Variants in TRIM36 observed in about 807,000 individuals in gnomAD.
The protein encoded by TRIM36 is E3 ubiquitin-protein ligase TRIM36.
In TRIM36, 42 loss-of-function variants were observed where a neutral mutation model predicts 72.4. That is an observed-to-expected ratio of 0.58 (90% CI 0.45 to 0.75). TRIM36 has a LOEUF of 0.75. Ranked by LOEUF, TRIM36 falls within the 30% of genes least tolerant of loss-of-function variation. The pLI, the probability that TRIM36 is intolerant of heterozygous loss-of-function variation, is 0.00. For synonymous variants in TRIM36, 315 were observed against 282.8 expected, an observed-to-expected ratio of 1.11 and a Z score of -1.14; for missense variants, 913 against 857.1, an observed-to-expected ratio of 1.07 and a Z score of -0.81.
intron 1 of TRIM36, among the ~76,000 whole-genome samples, chr5:115,166,494 A>G (rs1754782817): frequency 6.6e-6 from 1 of 152,164 alleles, no homozygotes; most frequent in African/African-American, 2.4e-5. Context: ...TGCAGAAAGC[A>G]GCTACCCATG....
chr5:115,143,222 C>CAAAAAAAAAAAAAAAAAAAAAA (rs59083853), intron 4 of TRIM36, among the ~76,000 whole-genome samples: 1 of 57,488 alleles, frequency 1.7e-5, no homozygotes, highest in Non-Finnish European at 2.9e-5. Context: ...ACCAGCCAGA[C>CAAAAAAAAAAAAAAAAAAAAAA]AAAAAAAAAA....
chr5:115,169,152 G>T (rs1231727227), intron 1 of TRIM36: 2 of 159,498 alleles, frequency 1.3e-5, no homozygotes, highest in Non-Finnish European at 2.7e-5. Context: ...GCGGGCAGGC[G>T]AAGCCGGGGA....
chr5:115,170,122 C>T (rs1755030573), upstream of TRIM36, among the ~76,000 whole-genome samples: 1 of 152,236 alleles, frequency 6.6e-6, no homozygotes, highest in South Asian at 2.1e-4. Flanking sequence ...CCGCCGCCAC[C>T]TTCCCCCTAC....
chr5:115,147,523 G>A (rs796815288), intron 2 of TRIM36, 129 bp from the exon 3 acceptor site: 37 of 1,095,416 alleles, frequency 3.4e-5, no homozygotes, highest in South Asian at 5.4e-5. Flanking sequence ...GTGGCTCCAC[G>A]TGAAATTTGT....
At chr5:115,168,365 C>A (rs1312554527) in intron 1 of TRIM36, among the ~76,000 whole-genome samples, 1 of 152,210 alleles carries the variant, frequency 6.6e-6, no homozygotes, top group Non-Finnish European at 1.5e-5. Flanking sequence ...GTATCCCAGA[C>A]TTCATATCTA....
upstream of TRIM36, among the ~76,000 whole-genome samples, chr5:115,172,857 T>A (rs1362608566): frequency 6.6e-6 from 1 of 152,168 alleles, no homozygotes; most frequent in Non-Finnish European, 1.5e-5. Context: ...CAAAATATGA[T>A]AACCATTGTG....
In TRIM36 at chr5:115,126,635, C is replaced by A. The variant is rs201477243; in HGVS notation, c.2019G>T (p.Met673Ile). 24 of 1,614,074 alleles carry A rather than the reference C, an allele frequency of 1.5e-5. No individual in the cohort carries two copies. The highest frequency in any genetic ancestry group is 1.9e-5 in the Non-Finnish European group (22 of 1,180,026). ...GKVDFYDMDQ[M>I]KCLYERQVDC... ...CCACTTGGCGTTCATAAAGGCATTT[C>A]ATCTGATCCATATCATAGAAATCTA... The change falls in exon 10 of 10, where the codon ATG becomes ATT. Residue 673 changes from methionine to isoleucine, a missense_variant. Physicochemically the swap from Met to Ile is conservative, Grantham distance 10. Coordinates refer to ENST00000513154, the MANE Select transcript of TRIM36 (RefSeq NM_001300759.2).
chr5:115,154,130 A>G (rs1754038395), intron 2 of TRIM36, among the ~76,000 whole-genome samples: 1 of 152,178 alleles, frequency 6.6e-6, no homozygotes, highest in Non-Finnish European at 1.5e-5. Context: ...AAAATTCTTC[A>G]AGCTGCATGA....
chr5:115,145,244 T>C (rs1483900496), intron 3 of TRIM36, among the ~76,000 whole-genome samples: 2 of 152,334 alleles, frequency 1.3e-5, no homozygotes, highest in East Asian at 1.9e-4. Context: ...CTTCTAGATG[T>C]GTTTCCTTTT....
At chr5:115,170,132 C>T (rs1755031298), upstream of TRIM36, among the ~76,000 whole-genome samples, 1 of 152,208 alleles carries the variant, frequency 6.6e-6, no homozygotes, top group Non-Finnish European at 1.5e-5. Context: ...CTTCCCCCTA[C>T]GCATCAGCCC....
In TRIM36 at chr5:115,180,121, T is replaced by G; in HGVS notation, c.-84A>C. 4 of 1,420,006 alleles carry G rather than the reference T, an allele frequency of 2.8e-6. 1 individual carries two copies. In the South Asian group the frequency reaches 3.6e-5, roughly 13 times the overall value. 88.0% of individuals were successfully genotyped at this position (1,420,006 alleles called of 1,614,324 possible). A position where few individuals can be genotyped will look rare whatever the true frequency, so the allele number is the denominator to read the frequency against. On this transcript the variant is annotated 5_prime_UTR_variant, in exon 1 of 10. Transcript: ENST00000282369. Reference sequence around the variant, plus strand: ...CTTTTCTCTTTTTCTGTTTTTAGTCTGAGTTTTGCCGAGCTCCCCGCCCAT... The same window carrying G: ...CTTTTCTCTTTTTCTGTTTTTAGTCGGAGTTTTGCCGAGCTCCCCGCCCAT...
At chr5:115,141,451 C>T in intron 4 of TRIM36, 77 bp from the exon 5 acceptor site, 1 of 823,726 alleles carries the variant, frequency 1.2e-6, no homozygotes, top group South Asian at 1.8e-5. Context: ...TTTTTAATTA[C>T]ACAGGACTCA....
chr5:115,166,436 T>C (rs1249353660), intron 1 of TRIM36, among the ~76,000 whole-genome samples: 1 of 152,118 alleles, frequency 6.6e-6, no homozygotes, highest in African/African-American at 2.4e-5. Context: ...AGGTACCCAC[T>C]CCGGGTCTCT....
intron 4 of TRIM36, among the ~76,000 whole-genome samples, chr5:115,143,249 A>C (rs1030486020): frequency 1.6e-3 from 180 of 111,636 alleles, no homozygotes; most frequent in African/African-American, 5.9e-3. Flanking sequence ...AAAAAAAAAA[A>C]CAAATCTCTA....
intron 5 of TRIM36, 116 bp from the exon 6 acceptor site, chr5:115,137,732 C>G: frequency 8.5e-7 from 1 of 1,173,980 alleles, no homozygotes; most frequent in Non-Finnish European, 1.1e-6. Context: ...TATGTGATGA[C>G]AGCATTATCA....
chr5:115,148,558 C>T (rs1418599018), intron 2 of TRIM36, among the ~76,000 whole-genome samples: 1 of 151,638 alleles, frequency 6.6e-6, no homozygotes, highest in East Asian at 1.9e-4. Flanking sequence ...TTACAGGCGC[C>T]CACCACCACA....
At chr5:115,138,824 C>CT (rs1270069338) in intron 5 of TRIM36, among the ~76,000 whole-genome samples, 8 of 151,166 alleles carry the variant, frequency 5.3e-5, no homozygotes, top group South Asian at 4.2e-4. Context: ...CAAGAACATT[C>CT]TTTTTTTTTG....
chr5:115,168,477 T>C (rs1754909676), intron 1 of TRIM36, among the ~76,000 whole-genome samples: 1 of 152,142 alleles, frequency 6.6e-6, no homozygotes, highest in Non-Finnish European at 1.5e-5. Flanking sequence ...ACACAGAAAA[T>C]TAAAATTGAC....
At position 115,130,647 on chromosome 5, in the gene TRIM36, A is replaced by G. The variant is rs768375712; in HGVS notation, c.1741T>C (p.Ser581Pro). 145 of 1,614,074 alleles carry G rather than the reference A, an allele frequency of 9.0e-5. No homozygotes were observed. Among genetic ancestry groups the G allele is most frequent in the Non-Finnish European group, 1.2e-4 (142 of 1,180,028 alleles). ...AGCCATTCTTGTAGTTTATCGCTAG[A>G]AGCAACTCCCACTTTTACCAGGTAT... The part of the protein sequence containing the change: ...YSYLVKVGVA[S>P]SDKLQEWLRS... The change falls in exon 9 of 10, where the codon TCT becomes CCT. Residue 581 changes from serine (S) to proline (P), a missense_variant. By Grantham distance (74) the Ser-to-Pro change is moderately conservative. Transcript: ENST00000513154.
Sources: gnomAD v4.1 joint callset for allele counts (sites outside exome capture counted in the v4.1 genomes callset) on GRCh38, gnomAD v4.1.1 for gene constraint, MANE v1.5 for transcripts, NCBI Gene and HGNC (gene_info 2026-07-23, HGNC 2026-07-21) for gene names.